EMC1: variants seen among roughly 807,000 people sequenced by gnomAD.
The protein encoded by EMC1 is KIAA0090.
A neutral mutation model predicts 128.8 loss-of-function variants in EMC1; 103 were observed. That is an observed-to-expected ratio of 0.80 (90% CI 0.68 to 0.94). EMC1 has a LOEUF of 0.94. Ranked by LOEUF, EMC1 falls within the 40% of genes least tolerant of loss-of-function variation. The probability of loss-of-function intolerance (pLI) is 0.00; values close to 1 mark genes in which losing one functional copy is unlikely to be tolerated. For synonymous variants in EMC1, 442 were observed against 490.4 expected (o/e 0.90, Z 1.30); for missense variants, 1,083 against 1,250.6 (o/e 0.87, Z 2.02).
intron 6 of EMC1, 123 bp downstream of exon 6, chr1:19,240,893 A>C (rs1280547764): frequency 2.1e-5 from 24 of 1,122,192 alleles, no homozygotes; most frequent in Non-Finnish European, 3.0e-5. Context: ...AAGTGACCAG[A>C]ATGAGGGAGC....
rs146583625 is a variant in EMC1, at chr1:19,219,681, G to A, written c.2690C>T (p.Pro897Leu). The A allele has an allele frequency of 3.5e-5, 57 of 1,613,868 alleles. No individual in the cohort carries two copies. The highest frequency in any genetic ancestry group is 8.0e-5 in the African/African-American group (6 of 74,878). The change falls in exon 22 of 23, where the codon CCG becomes CTG. Residue 897 changes from proline to leucine, a missense_variant. Around this residue, in one of 3 missense-constraint regions of EMC1, gnomAD observed 527 missense variants for 644.1 expected, o/e 0.82. Transcript: ENST00000477853. The stretch of plus-strand genomic sequence containing the variant: ...GTGTATCTGTACATCTGGAGAATAC[G>A]GGATTAAGTTCTCCTCTCTGCAAAA... ...TEQSREENLI[P>L]YSPDVQIHAE...
chr1:19,223,412 G>A lies in EMC1; in HGVS notation c.2360C>T (p.Ser787Leu), dbSNP rs747536246. The A allele has an allele frequency of 3.1e-6, 5 of 1,614,092 alleles. No individual in the cohort carries two copies. The highest frequency in any genetic ancestry group is 2.5e-6 in the Non-Finnish European group (3 of 1,179,994). Residue 787 changes from serine (S) to leucine (L), a missense_variant, in exon 19 of 23, where the codon TCA becomes TTA. By Grantham distance (145) the Ser-to-Leu change is moderately radical. This residue lies in a region of EMC1 where 527 missense variants were observed against 644.1 expected (regional missense o/e 0.82). Coordinates refer to ENST00000477853, the MANE Select transcript of EMC1 (RefSeq NM_015047.3). ...KAKGPVHIVH[S>L]ENWVVYQYWN... ...ACCGCTTACCACCACCCAGTTCTCT[G>A]AATGCACGATATGGACAGGGCCTTT...
rs375114221 is a variant in EMC1 at position 19,220,795 on chromosome 1, G to A, written c.2641C>T (p.Arg881Cys). Residue 881 changes from arginine to cysteine, a missense_variant, in exon 21 of 23, where the codon CGC becomes TGC. Arg to Cys is a radical substitution (Grantham distance 180, BLOSUM62 -3). This residue lies in a region of EMC1 where 527 missense variants were observed against 644.1 expected (regional missense o/e 0.82). Coordinates refer to ENST00000477853, the MANE Select transcript of EMC1 (RefSeq NM_015047.3). Reference sequence around the variant, plus strand: ...TGTTCTGTTGGGATCTCGGGGCGGCGGGGATCCAGCAAAGCCTTAGGAAGG... The same window carrying A: ...TGTTCTGTTGGGATCTCGGGGCGGCAGGGATCCAGCAAAGCCTTAGGAAGG... ...LSLPKALLDP[R>C]RPEIPTEQSR... is the part of the protein sequence containing the mutation. The A allele has an allele frequency of 4.3e-5, 69 of 1,613,062 alleles. No homozygotes were observed. The highest frequency in any genetic ancestry group is 5.0e-5 in the Non-Finnish European group (59 of 1,179,658).
chr1:19,245,512 CAA>C (rs1297856850), intron 1 of EMC1, among the ~76,000 whole-genome samples: 15 of 151,906 alleles, frequency 9.9e-5, no homozygotes, highest in Non-Finnish European at 1.8e-4. Context: ...TAGTCAGATG[CAA>C]AGAGAGTAAG....
chr1:19,222,574 G>A, intron 20 of EMC1, 50 bp downstream of exon 20: 2 of 1,520,484 alleles, frequency 1.3e-6, no homozygotes, highest in Non-Finnish European at 1.8e-6. Context: ...GTCCTTAAGT[G>A]TGGTTGCCCA....
rs775233080 is a variant in EMC1, at chr1:19,245,058, TA to T, written c.96-29del. 2.5e-6 allele frequency: 4 copies of T among 1,611,534 alleles called. No individual in the cohort carries two copies. In the Admixed American group the frequency reaches 5.0e-5, roughly 20 times the overall value. ...GAGAAAAAAAGAGTACAGGGGACCA[TA>T]AGGAGCTAAAATCACCATTCCACAA... On this transcript the variant is annotated intron_variant, in intron 1 of 22. Coordinates refer to ENST00000477853, the MANE Select transcript of EMC1 (RefSeq NM_015047.3).
chr1:19,239,432 G>A (rs1456113007), intron 8 of EMC1, 130 bp from the exon 9 acceptor site: 1 of 752,688 alleles, frequency 1.3e-6, no homozygotes, highest in Non-Finnish European at 2.2e-6. Context: ...GAGCAGAATG[G>A]TCAGGCATTT....
In EMC1 at chr1:19,243,636, C is replaced by T; in HGVS notation, c.358G>A (p.Glu120Lys). 1 of 1,614,176 alleles carries T rather than the reference C, an allele frequency of 6.2e-7. No homozygotes were observed. The highest frequency in any genetic ancestry group is 8.5e-7 in the Non-Finnish European group (1 of 1,180,008). The change falls in exon 4 of 23, where the codon GAG becomes AAG. Residue 120 changes from glutamate (E) to lysine (K), a missense_variant. Physicochemically the swap from Glu to Lys is moderately conservative, Grantham distance 56 (BLOSUM62 1). This residue lies in a region of EMC1 where 544 missense variants were observed against 572.4 expected (regional missense o/e 0.95). Coordinates refer to ENST00000477853, the MANE Select transcript of EMC1 (RefSeq NM_015047.3). ...TACCTGCCACTGTCCAGGGTTATCT[C>T]CCAGTTCAGGCCCCCGATGTTAGTC... is the stretch of plus-strand genomic sequence containing the variant. ...WETNIGGLNW[E>K]ITLDSGSFQA...
At chr1:19,220,987 A>C (rs1313510136) in intron 20 of EMC1, 139 bp from the exon 21 acceptor site, 3 of 559,620 alleles carry the variant, frequency 5.4e-6, no homozygotes, top group South Asian at 4.8e-5. Flanking sequence ...ATAGCCAAAA[A>C]TAATAATCCA....
intron 3 of EMC1, 82 bp downstream of exon 3, chr1:19,243,868 C>T (rs2151962733): frequency 6.6e-7 from 1 of 1,521,700 alleles, no homozygotes; most frequent in Non-Finnish European, 9.1e-7. Context: ...CCTTTCCCTA[C>T]CAGACCCTGT....
At chr1:19,236,768 G>A (rs2093567654) in intron 12 of EMC1, among the ~76,000 whole-genome samples, 1 of 151,464 alleles carries the variant, frequency 6.6e-6, no homozygotes, top group South Asian at 2.1e-4. Context: ...AGGAATTCGA[G>A]ACCAGCCTGG....
intron 17 of EMC1, 141 bp from the exon 18 acceptor site, chr1:19,227,591 G>A (rs1162071291): frequency 1.9e-6 from 2 of 1,030,446 alleles, no homozygotes; most frequent in Admixed American, 2.6e-5. Context: ...AATGAGCCAG[G>A]AGCAGTGGCT....
intron 5 of EMC1, among the ~76,000 whole-genome samples, chr1:19,241,368 G>A (rs890358616): frequency 4.6e-5 from 7 of 151,078 alleles, no homozygotes; most frequent in African/African-American, 9.7e-5. Flanking sequence ...ATTTTCCTAC[G>A]GTTAGAAGAT....
chr1:19,219,686 T>C lies in EMC1; in HGVS notation c.2685A>G (p.Leu895=). 2.5e-6 allele frequency: 4 copies of C among 1,614,078 alleles called. No individual in the cohort carries two copies. The highest frequency in any genetic ancestry group is 3.4e-6 in the Non-Finnish European group (4 of 1,180,002). ...TCTGTACATCTGGAGAATACGGGAT[T>C]AAGTTCTCCTCTCTGCAAAACACCA... ...IPTEQSREEN[L]IPYSPDVQIH... is the part of the protein sequence containing the mutation. The change falls in exon 22 of 23, where the codon TTA becomes TTG. Residue 895 remains leucine, a synonymous_variant. Coordinates refer to ENST00000477853, the MANE Select transcript of EMC1 (RefSeq NM_015047.3).
chr1:19,221,924 G>A (rs1738020), intron 20 of EMC1: 18,759 of 152,326 alleles, frequency 0.12, 1,379 homozygotes, highest in African/African-American at 0.19. Context: ...AAAATTAGCC[G>A]GGCGTGGTGG....
At chr1:19,233,277 T>A (rs1380467061) in intron 13 of EMC1, 142 bp from the exon 14 acceptor site, 1 of 699,764 alleles carries the variant, frequency 1.4e-6, no homozygotes, top group African/African-American at 1.8e-5. Flanking sequence ...AGGGCAGTCC[T>A]GTATCTGATG....
rs1381642094 is a variant in EMC1, at chr1:19,241,058, G to C, written c.594C>G (p.Asn198Lys). The change falls in exon 6 of 23, where the codon AAC becomes AAG. Residue 198 changes from asparagine to lysine, a missense_variant. Asn to Lys is a moderately conservative substitution (Grantham distance 94, BLOSUM62 0). Transcript: ENST00000477853. Reference sequence around the variant, plus strand: ...CATCTTCCACATTAAACTTGACAATGTTCACATGGCTGAAGGGAACAACTC... The same window carrying C: ...CATCTTCCACATTAAACTTGACAATCTTCACATGGCTGAAGGGAACAACTC... ...ALGVVPFSHVNIVKFNVEDGE... is the reference protein window; with the variant it reads ...ALGVVPFSHVKIVKFNVEDGE... 1 of 1,613,964 alleles carries C rather than the reference G, an allele frequency of 6.2e-7. No homozygotes were observed. The highest frequency in any genetic ancestry group is 8.5e-7 in the Non-Finnish European group (1 of 1,180,014).
Position 19,232,975 on chromosome 1 carries a change from G to T in EMC1, c.1593C>A (p.Asn531Lys). 1 of 1,614,146 alleles carries T rather than the reference G, an allele frequency of 6.2e-7. No individual in the cohort carries two copies. Among genetic ancestry groups the T allele is most frequent in the Non-Finnish European group, 8.5e-7 (1 of 1,180,032 alleles). The change falls in exon 14 of 23, where the codon AAC becomes AAA. Residue 531 changes from asparagine to lysine, a missense_variant. Asn to Lys is a moderately conservative substitution (Grantham distance 94). Coordinates refer to ENST00000477853, the MANE Select transcript of EMC1 (RefSeq NM_015047.3). ...TTACCATCACCATCATCTTCTGGAG[G>T]TTGAATTCATCTCTGGCCAGGGTGT... ...NIDTLARDEF[N>K]LQKMMVMVTA...
chr1:19,227,372 T>C lies in EMC1; in HGVS notation c.2143A>G (p.Ser715Gly). ...QRIVKVKGKR[S>G]SEHVHSQGRV... ...CCCTGGGAATGAACGTGCTCACTGC[T>C]GCGTTTCCCCTTCACCTTGACGATC... is the stretch of plus-strand genomic sequence containing the variant. Residue 715 changes from serine (S) to glycine (G), a missense_variant, in exon 18 of 23, where the codon AGC (serine) becomes GGC (glycine). Around this residue, in one of 3 missense-constraint regions of EMC1, gnomAD observed 527 missense variants for 644.1 expected, o/e 0.82. Coordinates refer to ENST00000477853, the MANE Select transcript of EMC1 (RefSeq NM_015047.3). The C allele has an allele frequency of 1.2e-6, 2 of 1,614,224 alleles. No homozygotes were observed. The highest frequency in any genetic ancestry group is 1.7e-6 in the Non-Finnish European group (2 of 1,180,040).
Sources: allele counts gnomAD v4.1 joint callset (sites outside exome capture counted in the v4.1 genomes callset), GRCh38; gene constraint gnomAD v4.1.1; regional missense constraint gnomAD v4.1.1; transcripts MANE v1.5; gene names NCBI Gene and HGNC (gene_info 2026-07-23, HGNC 2026-07-21).